The following PTPRD variants were observed in gnomAD, a reference collection of about 807,000 sequenced individuals.
PTPRD encodes protein tyrosine phosphatase receptor type D.
Under a neutral mutation model 214.5 loss-of-function variants are expected in PTPRD, and 34 were observed. The ratio of observed to expected loss-of-function variants is 0.16; its 90% confidence interval spans 0.12 to 0.21. The LOEUF (loss-of-function observed/expected upper bound fraction) is 0.21, where lower values mean the gene tolerates loss of function less well. PTPRD is among the 10% of genes least tolerant of loss of function. The pLI is 1.00. For synonymous variants in PTPRD, 1,128 were observed against 845.7 expected, an observed-to-expected ratio of 1.33 and a Z score of -5.79; for missense variants, 2,545 against 2,398.7, an observed-to-expected ratio of 1.06 and a Z score of -1.27.
At chr9:9,685,411 T>G (rs1258199941) in intron 7 of PTPRD, among the ~76,000 whole-genome samples, 3 of 151,390 alleles carry the variant, frequency 2.0e-5, no homozygotes, top group Non-Finnish European at 4.4e-5. Context: ...GTTTATTACA[T>G]TTTCAATTGA....
intron 8 of PTPRD, among the ~76,000 whole-genome samples, chr9:9,568,279 C>T (rs1455701031): frequency 6.6e-6 from 1 of 151,878 alleles, no homozygotes; most frequent in Admixed American, 6.6e-5. Context: ...GCACATCCTT[C>T]TTGTTTTGTA....
At position 10,101,505 on chromosome 9, in the gene PTPRD, C is replaced by G. The variant is rs529881136; in HGVS notation, c.-544-67715G>C. ...AAACTTAGCAATGACAAGAGTGCCACTGGACATGAGGAGCCAACTTAAAAT... is the reference window on the plus strand; with the variant it reads ...AAACTTAGCAATGACAAGAGTGCCAGTGGACATGAGGAGCCAACTTAAAAT... On this transcript the variant is annotated intron_variant, in intron 3 of 45. Coordinates refer to ENST00000381196, the MANE Select transcript of PTPRD (RefSeq NM_002839.4). 2.0e-5 allele frequency among the ~76,000 whole-genome samples: 3 copies of G among 151,722 alleles called. No individual in the cohort carries two copies. The South Asian group carries it at 6.2e-4, about 31-fold the overall frequency.
At chr9:10,061,500 A>T (rs961395769) in intron 3 of PTPRD, among the ~76,000 whole-genome samples, 1 of 152,028 alleles carries the variant, frequency 6.6e-6, no homozygotes, top group African/African-American at 2.4e-5. Context: ...TCTCAGCTCA[A>T]ATGAGATTGC....
At chr9:9,637,185 T>A (rs2095799034) in intron 7 of PTPRD, among the ~76,000 whole-genome samples, 1 of 152,066 alleles carries the variant, frequency 6.6e-6, no homozygotes, top group Non-Finnish European at 1.5e-5. Flanking sequence ...AACCCCCAAA[T>A]TTATGTCATT....
intron 12 of PTPRD, among the ~76,000 whole-genome samples, chr9:8,646,069 A>AG (rs1564951087): frequency 2.0e-5 from 3 of 151,942 alleles, no homozygotes; most frequent in African/African-American, 7.3e-5. Context: ...AAGAAAAAAA[A>AG]AAAAAATGAA....
intron 12 of PTPRD, among the ~76,000 whole-genome samples, chr9:8,702,405 T>C (rs149968792): frequency 8.3e-4 from 126 of 152,282 alleles, no homozygotes; most frequent in African/African-American, 2.6e-3. Context: ...GGTTCATGGA[T>C]TCATTCAACA....
At chr9:9,485,714 G>C (rs565764879) in intron 8 of PTPRD, among the ~76,000 whole-genome samples, 31 of 152,170 alleles carry the variant, frequency 2.0e-4, no homozygotes, top group African/African-American at 7.0e-4. Flanking sequence ...TCTGGTACAA[G>C]ACTTATTTCT....
intron 30 of PTPRD, among the ~76,000 whole-genome samples, chr9:8,480,226 C>T (rs1010029368): frequency 6.6e-6 from 1 of 152,130 alleles, no homozygotes; most frequent in Non-Finnish European, 1.5e-5. Context: ...CTTTCTCTTG[C>T]CTCTACACCA....
At chr9:10,251,903 G>C (rs2092806158) in intron 3 of PTPRD, among the ~76,000 whole-genome samples, 1 of 152,068 alleles carries the variant, frequency 6.6e-6, no homozygotes, top group South Asian at 2.1e-4. Context: ...AGAATTTCTG[G>C]TGATCCATTG....
At chr9:8,966,913 A>AAAAC (rs75275198) in intron 11 of PTPRD, among the ~76,000 whole-genome samples, 33,940 of 151,506 alleles carry the variant, frequency 0.22, 4,477 homozygotes, top group African/African-American at 0.35. Context: ...TGAACAAGCA[A>AAAAC]AAACAAACAA....
At chr9:8,335,045 G>C (rs1845226613) in intron 43 of PTPRD, among the ~76,000 whole-genome samples, 1 of 151,982 alleles carries the variant, frequency 6.6e-6, no homozygotes. Context: ...AAAAGTCCAG[G>C]ACCAGATGAA....
chr9:9,158,815 T>C (rs2099883622), intron 10 of PTPRD, among the ~76,000 whole-genome samples: 1 of 152,036 alleles, frequency 6.6e-6, no homozygotes, highest in Non-Finnish European at 1.5e-5. Context: ...CTCAGTAAAA[T>C]ATTAGCAAAC....
chr9:9,586,616 T>A (rs2092012426), intron 7 of PTPRD, among the ~76,000 whole-genome samples: 1 of 151,986 alleles, frequency 6.6e-6, no homozygotes, highest in African/African-American at 2.4e-5. Flanking sequence ...ATAAATTAAA[T>A]ACCATTTTTA....
chr9:8,828,230 T>A (rs2097213121), intron 11 of PTPRD, among the ~76,000 whole-genome samples: 1 of 152,206 alleles, frequency 6.6e-6, no homozygotes, highest in African/African-American at 2.4e-5. Context: ...ATGGACTAAA[T>A]GTTTGTATCT....
chr9:8,593,343 T>G (rs1183777823), intron 14 of PTPRD, among the ~76,000 whole-genome samples: 2 of 152,148 alleles, frequency 1.3e-5, no homozygotes, highest in Non-Finnish European at 2.9e-5. Context: ...ACCATTCAGT[T>G]TTAATGCCTA....
At chr9:9,892,772 G>C (rs975764504) in intron 5 of PTPRD, among the ~76,000 whole-genome samples, 5 of 151,732 alleles carry the variant, frequency 3.3e-5, no homozygotes, top group African/African-American at 1.2e-4. Context: ...GTCTTGTTCA[G>C]GGAAATAGCA....
At chr9:9,761,374 T>C (rs2098654933) in intron 6 of PTPRD, among the ~76,000 whole-genome samples, 1 of 152,144 alleles carries the variant, frequency 6.6e-6, no homozygotes, top group Non-Finnish European at 1.5e-5. Context: ...GGAAGTATTG[T>C]TTAGGAAGAG....
chr9:9,007,634 C>G (rs2099484114), intron 11 of PTPRD, among the ~76,000 whole-genome samples: 1 of 151,512 alleles, frequency 6.6e-6, no homozygotes, highest in South Asian at 2.1e-4. Flanking sequence ...CTTCCTACAT[C>G]AATCTGGACC....
intron 39 of PTPRD, among the ~76,000 whole-genome samples, chr9:8,358,516 A>C (rs1198681837): frequency 1.3e-5 from 2 of 152,168 alleles, no homozygotes; most frequent in African/African-American, 4.8e-5. Context: ...TAAATACATC[A>C]TTTATTTATT....
Sources: gnomAD v4.1 joint callset for allele counts (sites outside exome capture counted in the v4.1 genomes callset) on GRCh38, gnomAD v4.1.1 for gene constraint, MANE v1.5 for transcripts, NCBI Gene and HGNC (gene_info 2026-07-23, HGNC 2026-07-21) for gene names.